The following COG5 variants were observed in gnomAD, a reference collection of about 807,000 sequenced individuals.
COG5 encodes conserved oligomeric Golgi complex subunit 5.
In COG5, 86 loss-of-function variants were observed where a neutral mutation model predicts 110.4. That is an observed-to-expected ratio of 0.78 (90% CI 0.65 to 0.93). The LOEUF (loss-of-function observed/expected upper bound fraction) is 0.93, where lower values mean the gene tolerates loss of function less well. COG5 is among the 40% of genes least tolerant of loss of function. The pLI is 0.00. For missense variants in COG5, 1,077 were observed against 987.0 expected (o/e 1.09, Z -1.22); for synonymous variants, 360 against 334.6 (o/e 1.08, Z -0.83).
At chr7:107,405,100 A>G (rs1453268915) in intron 7 of COG5, among the ~76,000 whole-genome samples, 1 of 152,144 alleles carries the variant, frequency 6.6e-6, no homozygotes, top group African/African-American at 2.4e-5. Flanking sequence ...GGTCTTACTA[A>G]AGAAGGGGGA....
At chr7:107,364,037 G>T in intron 8 of COG5, among the ~76,000 whole-genome samples, 1 of 151,648 alleles carries the variant, frequency 6.6e-6, no homozygotes, top group East Asian at 1.9e-4. Flanking sequence ...TAATTACAAA[G>T]ATAAGAGCAT....
chr7:107,475,558 TGTTA>T (rs1796922738), intron 6 of COG5: 1 of 466,158 alleles, frequency 2.1e-6, no homozygotes, highest in Admixed American at 3.9e-5. Flanking sequence ...CATGGCAGTT[TGTTA>T]AAGTACTATC....
chr7:107,381,163 T>C (rs550367887), intron 7 of COG5, among the ~76,000 whole-genome samples: 2 of 152,330 alleles, frequency 1.3e-5, no homozygotes, highest in African/African-American at 2.4e-5. Flanking sequence ...TAAAATCGTT[T>C]ATGTTAATCT....
At chr7:107,330,386 A>G (rs529024153) in intron 10 of COG5, among the ~76,000 whole-genome samples, 1 of 152,370 alleles carries the variant, frequency 6.6e-6, no homozygotes, top group Non-Finnish European at 1.5e-5. Context: ...TTTTAAAGAT[A>G]AATCTATTAT....
intron 6 of COG5, among the ~76,000 whole-genome samples, chr7:107,517,015 T>G (rs562002832): frequency 3.9e-5 from 6 of 152,168 alleles, no homozygotes; most frequent in Non-Finnish European, 7.3e-5. Flanking sequence ...GATGAACTAA[T>G]TGACAGAAGT....
At chr7:107,341,547 A>G (rs966458749) in intron 10 of COG5, among the ~76,000 whole-genome samples, 24 of 151,844 alleles carry the variant, frequency 1.6e-4, no homozygotes, top group Non-Finnish European at 1.2e-4. Flanking sequence ...TATGGAACCA[A>G]AAAAAAAGAG....
chr7:107,547,392 C>T (rs568174680), intron 5 of COG5, among the ~76,000 whole-genome samples: 4 of 152,232 alleles, frequency 2.6e-5, no homozygotes, highest in African/African-American at 7.2e-5. Flanking sequence ...AGGCCATATA[C>T]GACCAGCCCA....
chr7:107,489,317 C>T (rs1797844793), intron 6 of COG5, among the ~76,000 whole-genome samples: 1 of 152,114 alleles, frequency 6.6e-6, no homozygotes, highest in South Asian at 2.1e-4. Context: ...AATCTCATAT[C>T]TCAGCCGAGA....
At chr7:107,304,140 A>G (rs1271792609) in intron 11 of COG5, among the ~76,000 whole-genome samples, 2 of 152,306 alleles carry the variant, frequency 1.3e-5, no homozygotes, top group South Asian at 4.1e-4. Context: ...TTATTCCCCT[A>G]TCTTTGTCTT....
chr7:107,349,042 T>C (rs1247744549), intron 10 of COG5, among the ~76,000 whole-genome samples: 6 of 152,146 alleles, frequency 3.9e-5, no homozygotes, highest in Non-Finnish European at 8.8e-5. Context: ...GTTTTTAACA[T>C]TGATCAATTC....
At chr7:107,213,207 G>A (rs935589816) in intron 19 of COG5, among the ~76,000 whole-genome samples, 1 of 152,134 alleles carries the variant, frequency 6.6e-6, no homozygotes, top group Admixed American at 6.5e-5. Context: ...AGTTCAACCT[G>A]GCTTGAGTCC....
intron 5 of COG5, among the ~76,000 whole-genome samples, chr7:107,540,901 A>G (rs1306141198): frequency 6.6e-6 from 1 of 152,186 alleles, no homozygotes; most frequent in Admixed American, 6.5e-5. Flanking sequence ...CTATAATCCC[A>G]GCACTTTGGG....
chr7:107,323,959 T>A (rs1809533929), intron 11 of COG5, among the ~76,000 whole-genome samples: 1 of 152,212 alleles, frequency 6.6e-6, no homozygotes, highest in South Asian at 2.1e-4. Context: ...AAGAAAAAGT[T>A]TTGTGGAACA....
chr7:107,281,468 AAAACTC>A, intron 13 of COG5, 69 bp from the exon 14 acceptor site: 2 of 1,154,868 alleles, frequency 1.7e-6, no homozygotes, highest in South Asian at 2.5e-5. Context: ...GAGCAAGATA[AAAACTC>A]AAACCCAATA....
intron 6 of COG5, among the ~76,000 whole-genome samples, chr7:107,412,884 T>C (rs1183268365): frequency 6.6e-6 from 1 of 152,126 alleles, no homozygotes; most frequent in Non-Finnish European, 1.5e-5. Flanking sequence ...TTATTACAAG[T>C]TTAAGGAAAT....
chr7:107,276,485 T>C (rs1279221522), intron 14 of COG5, among the ~76,000 whole-genome samples: 1 of 152,092 alleles, frequency 6.6e-6, no homozygotes, highest in Non-Finnish European at 1.5e-5. Context: ...GCCTGAGTAA[T>C]GTGGCGAGAC....
chr7:107,485,013 C>T (rs1018008908), intron 6 of COG5, among the ~76,000 whole-genome samples: 5 of 152,144 alleles, frequency 3.3e-5, no homozygotes, highest in Non-Finnish European at 7.4e-5. Context: ...TTCCCTTACC[C>T]CACGACCTTC....
intron 6 of COG5, among the ~76,000 whole-genome samples, chr7:107,510,028 A>G (rs541000997): frequency 6.6e-6 from 1 of 152,302 alleles, no homozygotes; most frequent in Non-Finnish European, 1.5e-5. Flanking sequence ...CATAATGACA[A>G]GACCAAATAC....
intron 1 of COG5, among the ~76,000 whole-genome samples, chr7:107,559,412 C>A (rs1401589626): frequency 6.6e-6 from 1 of 152,112 alleles, no homozygotes; most frequent in Non-Finnish European, 1.5e-5. Flanking sequence ...ATGAAACAAA[C>A]AAAATAGAGT....
Sources: allele counts gnomAD v4.1 joint callset (sites outside exome capture counted in the v4.1 genomes callset), GRCh38; gene constraint gnomAD v4.1.1; transcripts MANE v1.5; gene names NCBI Gene and HGNC (gene_info 2026-07-23, HGNC 2026-07-21).